The following KCNIP4 variants were observed in gnomAD, a reference collection of about 807,000 sequenced individuals.
The protein encoded by KCNIP4 is Kv channel-interacting protein 4.
Under a neutral mutation model 34.0 loss-of-function variants are expected in KCNIP4, and 12 were observed. The observed-to-expected ratio is 0.35, with a 90% CI of 0.23 to 0.57. The LOEUF (loss-of-function observed/expected upper bound fraction) is 0.57. Ranked by LOEUF, KCNIP4 falls within the 20% of genes least tolerant of loss-of-function variation. KCNIP4 has a pLI of 0.83. For synonymous variants in KCNIP4, 124 were observed against 102.2 expected (o/e 1.21, Z -1.29); for missense variants, 238 against 311.7 (o/e 0.76, Z 1.78).
At chr4:21,326,356 A>T (rs1715045275) in intron 1 of KCNIP4, among the ~76,000 whole-genome samples, 1 of 151,242 alleles carries the variant, frequency 6.6e-6, no homozygotes, top group Non-Finnish European at 1.5e-5. Context: ...TGATCTCTTT[A>T]TCTCTTCTTT....
chr4:21,123,163 A>G (rs1398536062), intron 1 of KCNIP4, among the ~76,000 whole-genome samples: 1 of 152,128 alleles, frequency 6.6e-6, no homozygotes, highest in African/African-American at 2.4e-5. Context: ...GCAGTGAGCC[A>G]AGATCGTGCC....
intron 1 of KCNIP4, among the ~76,000 whole-genome samples, chr4:21,825,650 T>A (rs1722637590): frequency 6.6e-6 from 1 of 152,150 alleles, no homozygotes; most frequent in South Asian, 2.1e-4. Context: ...GCGACAAAAA[T>A]ATTATTTTGA....
At chr4:21,012,389 G>A (rs539349587) in intron 1 of KCNIP4, among the ~76,000 whole-genome samples, 1 of 151,990 alleles carries the variant, frequency 6.6e-6, no homozygotes, top group Non-Finnish European at 1.5e-5. Context: ...GACCAGCCTG[G>A]GCAGCATAAT....
intron 1 of KCNIP4, among the ~76,000 whole-genome samples, chr4:21,078,250 A>G (rs1228339660): frequency 6.6e-6 from 1 of 152,138 alleles, no homozygotes; most frequent in Non-Finnish European, 1.5e-5. Flanking sequence ...TTAAGTATCT[A>G]GTTTGGGTAA....
intron 3 of KCNIP4, among the ~76,000 whole-genome samples, chr4:20,793,261 T>C (rs1239907724): frequency 6.6e-6 from 1 of 152,154 alleles, no homozygotes; most frequent in African/African-American, 2.4e-5. Context: ...ACAACAGTGA[T>C]ACATAAAACA....
chr4:21,471,339 G>GT (rs1187188052), intron 1 of KCNIP4, among the ~76,000 whole-genome samples: 6 of 152,132 alleles, frequency 3.9e-5, no homozygotes, highest in Non-Finnish European at 7.3e-5. Context: ...AATTAGGGCA[G>GT]TAGAGTACTA....
intron 1 of KCNIP4, among the ~76,000 whole-genome samples, chr4:21,705,359 G>GA (rs1357420381): frequency 6.6e-6 from 1 of 152,086 alleles, no homozygotes; most frequent in African/African-American, 2.4e-5. Context: ...CACCACTGCA[G>GA]AAAAATGAGT....
intron 1 of KCNIP4, among the ~76,000 whole-genome samples, chr4:21,372,054 G>A (rs1720497743): frequency 6.8e-6 from 1 of 147,080 alleles, no homozygotes; most frequent in Admixed American, 6.6e-5. Context: ...ACAAAATTTG[G>A]TGCTTCAGAA....
intron 1 of KCNIP4, among the ~76,000 whole-genome samples, chr4:21,605,395 C>A (rs1400268277): frequency 6.6e-6 from 1 of 152,196 alleles, no homozygotes; most frequent in Non-Finnish European, 1.5e-5. Context: ...TCATTGGATG[C>A]TTCATTCTTG....
At chr4:20,988,941 T>C (rs981590282) in intron 1 of KCNIP4, among the ~76,000 whole-genome samples, 1 of 152,250 alleles carries the variant, frequency 6.6e-6, no homozygotes, top group Non-Finnish European at 1.5e-5. Context: ...GTGGGATTTG[T>C]GTAAGAAACC....
intron 1 of KCNIP4, among the ~76,000 whole-genome samples, chr4:20,893,366 C>T (rs935888737): frequency 4.6e-4 from 70 of 152,026 alleles, no homozygotes; most frequent in African/African-American, 1.6e-3. Flanking sequence ...TGAATCTAAG[C>T]GCTGCCACTT....
rs201309641 is a variant in KCNIP4 at position 21,028,973 on chromosome 4, A to AGCAT, written c.62-146268_62-146265dup. Among the ~76,000 whole-genome samples, 27 of 152,294 alleles carry AGCAT rather than the reference A, an allele frequency of 1.8e-4. No individual in the cohort carries two copies. In the East Asian group the frequency reaches 5.0e-3, roughly 28 times the overall value. On this transcript the variant is annotated intron_variant, in intron 1 of 8. Transcript: ENST00000382152. ...TAACCAGGCCTGTGCTCTTGTGTGG[A>AGCAT]GCATGAGTGGCTAACCACTGAATTA...
chr4:21,741,724 C>G (rs1455494077), intron 1 of KCNIP4, among the ~76,000 whole-genome samples: 1 of 152,128 alleles, frequency 6.6e-6, no homozygotes, highest in African/African-American at 2.4e-5. Context: ...CAACTCCTAA[C>G]TGTTGATATC....
chr4:21,494,537 G>T (rs1352433022), intron 1 of KCNIP4, among the ~76,000 whole-genome samples: 1 of 152,056 alleles, frequency 6.6e-6, no homozygotes, highest in Non-Finnish European at 1.5e-5. Context: ...CACTTTGGGA[G>T]GCTGAGGTGG....
At chr4:21,315,998 C>T (rs560179813) in intron 1 of KCNIP4, among the ~76,000 whole-genome samples, 2 of 152,308 alleles carry the variant, frequency 1.3e-5, no homozygotes, top group East Asian at 3.9e-4. Flanking sequence ...TGAGAAACTA[C>T]TGCTGTAACC....
intron 3 of KCNIP4, among the ~76,000 whole-genome samples, chr4:20,780,311 G>A (rs1445124952): frequency 6.6e-6 from 1 of 152,170 alleles, no homozygotes; most frequent in Non-Finnish European, 1.5e-5. Context: ...ATCCATCAGA[G>A]TGAAAAGTGG....
At chr4:21,830,888 G>A (rs1722942777) in intron 1 of KCNIP4, among the ~76,000 whole-genome samples, 1 of 152,044 alleles carries the variant, frequency 6.6e-6, no homozygotes, top group Non-Finnish European at 1.5e-5. Flanking sequence ...ATATTCTGCT[G>A]GACAGATCAT....
intron 1 of KCNIP4, among the ~76,000 whole-genome samples, chr4:21,142,908 C>T (rs1481364959): frequency 6.6e-6 from 1 of 152,094 alleles, no homozygotes; most frequent in Non-Finnish European, 1.5e-5. Flanking sequence ...TTTTCATATT[C>T]TTACTATGTT....
chr4:21,401,672 A>C (rs1473737108), intron 1 of KCNIP4, among the ~76,000 whole-genome samples: 1 of 152,238 alleles, frequency 6.6e-6, no homozygotes, highest in Non-Finnish European at 1.5e-5. Context: ...TCCCATCTGC[A>C]ATGAGATGTA....
Sources: allele counts gnomAD v4.1 joint callset (sites outside exome capture counted in the v4.1 genomes callset), GRCh38; gene constraint gnomAD v4.1.1; transcripts MANE v1.5; gene names NCBI Gene and HGNC (gene_info 2026-07-23, HGNC 2026-07-21).